Variants in GDAP1L1 observed in about 807,000 individuals in gnomAD.
GDAP1L1 encodes ganglioside-induced differentiation-associated protein 1-like 1.
Under a neutral mutation model 37.1 loss-of-function variants are expected in GDAP1L1, and 21 were observed. The ratio of observed to expected loss-of-function variants is 0.57; its 90% CI spans 0.40 to 0.81. GDAP1L1 has a LOEUF of 0.81. GDAP1L1 is among the 40% of genes least tolerant of loss of function. GDAP1L1 has a pLI of 0.00. For missense variants in GDAP1L1, 362 were observed against 491.6 expected, an observed-to-expected ratio of 0.74 and a Z score of 2.49; for synonymous variants, 193 against 209.1, an observed-to-expected ratio of 0.92 and a Z score of 0.67.
rs2146026616 is a variant in GDAP1L1 at position 44,264,652 on chromosome 20, C to T, written c.760+93C>T. ...CAGCCTCTTTTTTCCGCAAAAGTCT[C>T]AGAGGACCTCCCAGGTGGTTAAGAG... On this transcript the variant is annotated intron_variant, in intron 5 of 5. Coordinates refer to ENST00000342560, the MANE Select transcript of GDAP1L1 (RefSeq NM_024034.6). 2.6e-6 allele frequency: 4 copies of T among 1,521,766 alleles called. No individual in the cohort carries two copies. The East Asian group carries it at 7.6e-5, about 29-fold the overall frequency. 94.3% of individuals were successfully genotyped at this position (1,521,766 alleles called of 1,614,324 possible).
rs552024449 is a variant in GDAP1L1, at chr20:44,274,883, CTTTGTTTG to C, written c.761-4059_761-4052del. On this transcript the variant is annotated intron_variant, in intron 5 of 5. Transcript: ENST00000342560. ...CCCTCGGGGGCCCATCAGGTGTCTT[CTTTGTTTG>C]TTTGTTTGTTTGTTAGTTTTTGAGA... Among the ~76,000 whole-genome samples, 6 of 151,996 alleles carry C rather than the reference CTTTGTTTG, an allele frequency of 3.9e-5. No homozygotes were observed. In the East Asian group the frequency reaches 9.7e-4, roughly 24 times the overall value.
At chr20:44,252,018 T>C in intron 1 of GDAP1L1, among the ~76,000 whole-genome samples, 1 of 152,208 alleles carries the variant, frequency 6.6e-6, no homozygotes, top group East Asian at 1.9e-4. Context: ...GTGATGAAAA[T>C]ATCTGATTCC....
rs560842653 is a variant in GDAP1L1, at chr20:44,257,721, C to T, written c.373+376C>T. Among the ~76,000 whole-genome samples the T allele has an allele frequency of 3.3e-5, 5 of 152,246 alleles. 1 individual carries two copies. In the South Asian group the frequency reaches 1.0e-3, roughly 32 times the overall value. ...CCCTCTAGGTCCCCACAGACAGGGT[C>T]CAGATCTCCCAGGGGTTACAGGGCA... On this transcript the variant is annotated intron_variant, in intron 2 of 5. Transcript: ENST00000342560.
At chr20:44,263,809 A>G (rs1381537212) in intron 4 of GDAP1L1, among the ~76,000 whole-genome samples, 2 of 152,088 alleles carry the variant, frequency 1.3e-5, no homozygotes, top group Non-Finnish European at 2.9e-5. Context: ...GGGCCACTAC[A>G]CTCTAGCCTG....
intron 2 of GDAP1L1, among the ~76,000 whole-genome samples, chr20:44,258,006 C>G (rs997451060): frequency 6.6e-6 from 1 of 152,202 alleles, no homozygotes; most frequent in African/African-American, 2.4e-5. Flanking sequence ...GTAGGCCCTC[C>G]TCAGGCTCAG....
intron 5 of GDAP1L1, among the ~76,000 whole-genome samples, chr20:44,273,132 A>G (rs1191575355): frequency 1.3e-5 from 2 of 152,180 alleles, no homozygotes; most frequent in Non-Finnish European, 2.9e-5. Context: ...CTAAGTTCAA[A>G]TCTAGGCTCT....
chr20:44,247,395 G>A lies in GDAP1L1; in HGVS notation c.61G>A (p.Glu21Lys). 1 of 1,613,186 alleles carries A rather than the reference G, an allele frequency of 6.2e-7. No individual in the cohort carries two copies. Among genetic ancestry groups the A allele is most frequent in the South Asian group, 1.1e-5 (1 of 91,066 alleles). The change falls in exon 1 of 6, where the codon GAG becomes AAG. Residue 21 changes from glutamate (E) to lysine (K), a missense_variant. By Grantham distance (56) the Glu-to-Lys change is moderately conservative. Transcript: ENST00000342560. ...CAGCTGGTGGCCCATCTCCGCGCTG[G>A]AGAGCGATGCGGCCAAGCCAGCGGA... Reference protein sequence around the residue: ...NCSWWPISALESDAAKPAEAP... With the variant: ...NCSWWPISALKSDAAKPAEAP...
chr20:44,258,409 G>A, intron 2 of GDAP1L1, 25 bp from the exon 3 acceptor site: 1 of 1,545,130 alleles, frequency 6.5e-7, no homozygotes, highest in Non-Finnish European at 8.7e-7. Context: ...TGGCTTCCCT[G>A]CCCAGCCCCT....
At chr20:44,256,703 A>G (rs1453692566) in intron 1 of GDAP1L1, among the ~76,000 whole-genome samples, 1 of 151,982 alleles carries the variant, frequency 6.6e-6, no homozygotes, top group Non-Finnish European at 1.5e-5. Flanking sequence ...TTTCCTGGCC[A>G]GATCTACTCC....
intron 5 of GDAP1L1, among the ~76,000 whole-genome samples, chr20:44,268,120 G>A (rs367941837): frequency 4.6e-5 from 7 of 152,348 alleles, no homozygotes; most frequent in Non-Finnish European, 8.8e-5. Flanking sequence ...TTCTTCCCTC[G>A]TGGGCAGAGC....
chr20:44,249,194 C>T (rs944264561), intron 1 of GDAP1L1, among the ~76,000 whole-genome samples: 4 of 152,058 alleles, frequency 2.6e-5, no homozygotes, highest in African/African-American at 4.8e-5. Context: ...TGCCACCACA[C>T]CCGGCTAATT....
chr20:44,279,348 G>T lies in GDAP1L1; in HGVS notation c.*48G>T. On this transcript the variant is annotated 3_prime_UTR_variant, in exon 6 of 6. Coordinates refer to ENST00000342560, the MANE Select transcript of GDAP1L1 (RefSeq NM_024034.6). ...CTGACTGTCGGTGTCTCTGTGCTGT[G>T]TGATTCCCCGTGAGCTCTCAGTAAC... 1 of 1,195,294 alleles carries T rather than the reference G, an allele frequency of 8.4e-7. No individual in the cohort carries two copies. The highest frequency in any genetic ancestry group is 1.2e-6 in the Non-Finnish European group (1 of 814,720). The allele number at this position is 1,195,294 out of a possible 1,614,324, so 74.0% of individuals were successfully genotyped here. A position where few individuals can be genotyped will look rare whatever the true frequency, so the allele number is the denominator to read the frequency against.
intron 5 of GDAP1L1, among the ~76,000 whole-genome samples, chr20:44,272,559 C>T (rs2062529836): frequency 6.6e-6 from 1 of 152,176 alleles, no homozygotes; most frequent in Non-Finnish European, 1.5e-5. Flanking sequence ...CAGTTGGCCT[C>T]ATTGTGAGAT....
Position 44,279,687 on chromosome 20 carries a change from C to T in GDAP1L1, c.*387C>T, listed in dbSNP as rs2062622204. ...GGGAGGTGCTGGGGACTCAGAGGGCCTGACCCCTCACCTCCCCTTCCCTCT... is the reference window on the plus strand; with the variant it reads ...GGGAGGTGCTGGGGACTCAGAGGGCTTGACCCCTCACCTCCCCTTCCCTCT... On this transcript the variant is annotated 3_prime_UTR_variant, in exon 6 of 6. Coordinates refer to ENST00000342560, the MANE Select transcript of GDAP1L1 (RefSeq NM_024034.6). 2.1e-6 allele frequency: 1 copy of T among 476,798 alleles called. No individual in the cohort carries two copies. The highest frequency in any genetic ancestry group is 2.3e-5 in the Admixed American group (1 of 42,700). 29.5% of individuals were successfully genotyped at this position (476,798 alleles called of 1,614,324 possible). A position where few individuals can be genotyped will look rare whatever the true frequency, so the allele number is the denominator to read the frequency against.
intron 3 of GDAP1L1, among the ~76,000 whole-genome samples, chr20:44,261,192 G>A (rs918496719): frequency 6.6e-6 from 1 of 152,216 alleles, no homozygotes; most frequent in African/African-American, 2.4e-5. Context: ...AGGAGTAGAA[G>A]CCAGCCTGCA....
At chr20:44,254,889 G>A (rs993519098) in intron 1 of GDAP1L1, among the ~76,000 whole-genome samples, 4 of 152,218 alleles carry the variant, frequency 2.6e-5, no homozygotes, top group Admixed American at 2.6e-4. Context: ...GGGTGTGTGT[G>A]TGGTGTGTGT....
At chr20:44,263,404 A>G in intron 4 of GDAP1L1, 77 bp downstream of exon 4, 1 of 998,744 alleles carries the variant, frequency 1.0e-6, no homozygotes, top group South Asian at 1.3e-5. Flanking sequence ...GAAACTAAGT[A>G]GAAGATCAGC....
chr20:44,270,744 T>C (rs2062506641), intron 5 of GDAP1L1, among the ~76,000 whole-genome samples: 6 of 152,184 alleles, frequency 3.9e-5, no homozygotes. Flanking sequence ...CTCAATAGGC[T>C]GCTTGGGTTT....
rs528190582 is a variant in GDAP1L1, at chr20:44,279,828, A to G, written c.*528A>G. 7.0e-5 allele frequency: 33 copies of G among 470,246 alleles called. No individual in the cohort carries two copies. Among genetic ancestry groups the G allele is most frequent in the African/African-American group, 6.4e-4 (32 of 50,152 alleles). The allele number at this position is 470,246 out of a possible 1,614,324, so 29.1% of individuals were successfully genotyped here. On this transcript the variant is annotated 3_prime_UTR_variant, in exon 6 of 6. Transcript: ENST00000342560. ...CCCATGGGAGGTCCCTGAAGATCAG[A>G]AGGGGCTTCACGCTTCTCCTGGACA...
Sources: allele counts gnomAD v4.1 joint callset (sites outside exome capture counted in the v4.1 genomes callset), GRCh38; gene constraint gnomAD v4.1.1; transcripts MANE v1.5; gene names NCBI Gene and HGNC (gene_info 2026-07-23, HGNC 2026-07-21).